The following LRP1B variants were observed in gnomAD, a reference collection of about 807,000 sequenced individuals.
The protein encoded by LRP1B is low-density lipoprotein receptor-related protein 1B.
A neutral mutation model predicts 556.6 loss-of-function variants in LRP1B; 217 were observed. The observed-to-expected ratio is 0.39, with a 90% CI of 0.35 to 0.44. The LOEUF is 0.44. Among genes scored for constraint, LRP1B ranks in the 20% least tolerant of loss-of-function variants. The pLI is 1.00. For missense variants in LRP1B, 5,053 were observed against 5,620.8 expected (o/e 0.90, Z 3.23); for synonymous variants, 2,047 against 1,865.8 (o/e 1.10, Z -2.50).
At chr2:141,497,895 AAATT>A (rs1683566674) in intron 2 of LRP1B, among the ~76,000 whole-genome samples, 1 of 152,010 alleles carries the variant, frequency 6.6e-6, no homozygotes, top group African/African-American at 2.4e-5. Flanking sequence ...TTTAGGATAT[AAATT>A]AATTTTGAAT....
intron 1 of LRP1B, among the ~76,000 whole-genome samples, chr2:142,005,899 A>G (rs548569391): frequency 1.4e-5 from 2 of 140,454 alleles, no homozygotes; most frequent in East Asian, 2.0e-4. Context: ...AAAAAAAAAG[A>G]AAAAAAAAAG....
intron 2 of LRP1B, among the ~76,000 whole-genome samples, chr2:141,585,950 T>A (rs926579018): frequency 6.6e-6 from 1 of 151,658 alleles, no homozygotes; most frequent in South Asian, 2.1e-4. Context: ...ACTCCTGGAC[T>A]CAAGCCATCC....
At chr2:141,881,695 A>G (rs1698962563) in intron 1 of LRP1B, among the ~76,000 whole-genome samples, 1 of 152,078 alleles carries the variant, frequency 6.6e-6, no homozygotes, top group Non-Finnish European at 1.5e-5. Context: ...TAGAAAAACT[A>G]CCTACCTTTG....
intron 2 of LRP1B, among the ~76,000 whole-genome samples, chr2:141,757,938 T>C (rs566535778): frequency 6.6e-6 from 1 of 152,226 alleles, no homozygotes; most frequent in African/African-American, 2.4e-5. Flanking sequence ...GAAATAACAA[T>C]GGTGAATGCA....
chr2:141,800,169 T>G (rs1056729924), intron 2 of LRP1B, among the ~76,000 whole-genome samples: 3 of 152,180 alleles, frequency 2.0e-5, no homozygotes, highest in Non-Finnish European at 4.4e-5. Flanking sequence ...TACATCTGGA[T>G]AGCATATATA....
At chr2:141,062,386 C>T in intron 7 of LRP1B, 113 bp from the exon 8 acceptor site, 1 of 644,640 alleles carries the variant, frequency 1.6e-6, no homozygotes, top group Non-Finnish European at 2.7e-6. Context: ...GTGATTACAT[C>T]TGTTGGCTTC....
At chr2:140,652,359 G>A (rs1028372454) in intron 41 of LRP1B, among the ~76,000 whole-genome samples, 10 of 151,860 alleles carry the variant, frequency 6.6e-5, no homozygotes, top group African/African-American at 2.2e-4. Flanking sequence ...CTAGAATAAA[G>A]GAAGTTATCA....
intron 2 of LRP1B, among the ~76,000 whole-genome samples, chr2:141,483,807 GTTGT>G (rs1210215315): frequency 4.6e-5 from 7 of 151,468 alleles, no homozygotes; most frequent in Non-Finnish European, 7.4e-5. Context: ...TTTTGATGGG[GTTGT>G]TTGTTTTTTT....
intron 2 of LRP1B, among the ~76,000 whole-genome samples, chr2:141,521,325 T>A (rs1478639475): frequency 1.3e-5 from 2 of 152,120 alleles, no homozygotes; most frequent in Non-Finnish European, 1.5e-5. Flanking sequence ...TTTTCAAGTA[T>A]ATACAATCAA....
intron 26 of LRP1B, 44 bp downstream of exon 26, chr2:140,868,055 T>C: frequency 1.9e-6 from 3 of 1,542,580 alleles, no homozygotes; most frequent in Non-Finnish European, 2.6e-6. Context: ...GTAAATATTA[T>C]CTAAGTAAAA....
intron 84 of LRP1B, among the ~76,000 whole-genome samples, chr2:140,279,297 C>T (rs772692857): frequency 3.3e-5 from 5 of 151,916 alleles, no homozygotes; most frequent in Admixed American, 1.3e-4. Flanking sequence ...AGTGTTATCA[C>T]GGTGCATGCT....
rs573959906 is a variant in LRP1B, at chr2:140,771,073, G to A, written c.5501-67C>T. On this transcript the variant is annotated intron_variant, in intron 33 of 90. Coordinates refer to ENST00000389484, the MANE Select transcript of LRP1B (RefSeq NM_018557.3). ...TTTAAAAAATAAAGTTTTATTTAAC[G>A]TCAATAATTTGACAAATATGTATGC... The A allele has an allele frequency of 5.0e-5, 61 of 1,212,732 alleles. No homozygotes were observed. In the African/African-American group the frequency reaches 5.5e-4, roughly 11 times the overall value. 75.1% of individuals were successfully genotyped at this position (1,212,732 alleles called of 1,614,324 possible). A position where few individuals can be genotyped will look rare whatever the true frequency, so the allele number is the denominator to read the frequency against.
intron 2 of LRP1B, among the ~76,000 whole-genome samples, chr2:141,511,850 T>C (rs571186510): frequency 1.3e-5 from 2 of 152,322 alleles, no homozygotes; most frequent in East Asian, 3.9e-4. Context: ...TTTTATACTT[T>C]CCAGTTGACT....
chr2:142,117,304 G>A (rs1020758566), intron 1 of LRP1B, among the ~76,000 whole-genome samples: 5 of 152,028 alleles, frequency 3.3e-5, no homozygotes, highest in South Asian at 2.1e-4. Flanking sequence ...TCTGCTTTAC[G>A]TTTAGCAAGG....
At chr2:140,408,687 A>G (rs1235145525) in intron 66 of LRP1B, among the ~76,000 whole-genome samples, 1 of 151,988 alleles carries the variant, frequency 6.6e-6, no homozygotes, top group Non-Finnish European at 1.5e-5. Context: ...CACTCCAACA[A>G]ATAATTCAAA....
chr2:140,589,978 T>G (rs1289515316), intron 43 of LRP1B, among the ~76,000 whole-genome samples: 1 of 152,094 alleles, frequency 6.6e-6, no homozygotes, highest in Non-Finnish European at 1.5e-5. Flanking sequence ...TACTATACTT[T>G]TCCAAGATGT....
chr2:141,890,758 T>C (rs550868473), intron 1 of LRP1B, among the ~76,000 whole-genome samples: 1 of 152,260 alleles, frequency 6.6e-6, no homozygotes, highest in African/African-American at 2.4e-5. Context: ...GATTCTATCA[T>C]ATCCTTACCT....
intron 6 of LRP1B, among the ~76,000 whole-genome samples, chr2:141,226,097 A>C (rs934448071): frequency 9.8e-5 from 14 of 143,036 alleles, no homozygotes; most frequent in African/African-American, 3.6e-4. Context: ...CAATTATCTA[A>C]CTGCTCAGAG....
intron 15 of LRP1B, among the ~76,000 whole-genome samples, chr2:140,998,264 C>T (rs1342266866): frequency 1.3e-5 from 2 of 152,000 alleles, no homozygotes; most frequent in Non-Finnish European, 2.9e-5. Flanking sequence ...TTGAAAAATT[C>T]TGTCTTATTT....
Sources: gnomAD v4.1 joint callset for allele counts (sites outside exome capture counted in the v4.1 genomes callset) on GRCh38, gnomAD v4.1.1 for gene constraint, MANE v1.5 for transcripts, NCBI Gene and HGNC (gene_info 2026-07-23, HGNC 2026-07-21) for gene names.